The following PDE6B variants were observed in gnomAD, a reference collection of about 807,000 sequenced individuals.
The protein encoded by PDE6B is rod cGMP-specific 3',5'-cyclic phosphodiesterase subunit beta.
In PDE6B, 106 loss-of-function variants were observed where a neutral mutation model predicts 109.0. The ratio of observed to expected loss-of-function variants is 0.97; its 90% confidence interval spans 0.83 to 1.14. The LOEUF (loss-of-function observed/expected upper bound fraction) is 1.14. Among genes scored for constraint, PDE6B ranks in the 50% most tolerant of loss-of-function variants. PDE6B has a pLI of 0.00. For synonymous variants in PDE6B, 490 were observed against 471.3 expected (o/e 1.04, Z -0.51); for missense variants, 1,193 against 1,155.6 (o/e 1.03, Z -0.47).
intron 8 of PDE6B, among the ~76,000 whole-genome samples, chr4:656,641 TGGTGGGAAAACGGCCTCTACCTCCTCC>T (rs973739027): frequency 6.6e-6 from 1 of 152,024 alleles, no homozygotes; most frequent in African/African-American, 2.4e-5. Flanking sequence ...AAACCACTCC[TGGTGGGAAAACGGCCTCTACCTCCTCC>T]GGTGGGAAAA....
At position 625,923 on chromosome 4, in the gene PDE6B, G is replaced by A. The variant is rs768652560; in HGVS notation, c.297G>A (p.Gln99=). 4.4e-6 allele frequency: 7 copies of A among 1,598,734 alleles called. No individual in the cohort carries two copies. In the East Asian group the frequency reaches 1.1e-4, roughly 26 times the overall value. The change falls in exon 1 of 22, where the codon CAG becomes CAA. Residue 99 remains glutamine, a synonymous_variant. Transcript: ENST00000496514. This position sits in a 1 kb window ranked among gnomAD's most constrained non-coding sequence, Gnocchi z 5.0. ...ADRCSLFMYR[Q]RNGVAELATR... ...GCTGCAGCCTCTTCATGTACCGCCA[G>A]CGCAACGGCGTGGCCGAGCTGGCCA...
chr4:643,850 G>T lies in PDE6B; in HGVS notation c.711+7881G>T, dbSNP rs1335536319. On this transcript the variant is annotated intron_variant, in intron 3 of 21. Transcript: ENST00000496514. ...TTCAATACTATAAATTTCCCTCCAA[G>T]CACTGCTTTCCCTGCACCTGACAAA... is the stretch of plus-strand genomic sequence containing the variant. Among the ~76,000 whole-genome samples, 4 of 148,664 alleles carry T rather than the reference G, an allele frequency of 2.7e-5. No individual in the cohort carries two copies. In the South Asian group the frequency reaches 8.5e-4, roughly 32 times the overall value.
rs2109262780 is a variant in PDE6B, at chr4:663,821, C to T, written c.1972C>T (p.His658Tyr). The change falls in exon 16 of 22, where the codon CAC becomes TAC. Residue 658 changes from histidine (H) to tyrosine (Y), a missense_variant. Transcript: ENST00000496514. The surrounding 1 kb of genome is among the most constrained non-coding windows in gnomAD (Gnocchi z 4.0). The part of the protein sequence containing the change: ...LNRRQHEHVI[H>Y]LMDIAIIATD... ...CCGGCGGCAGCACGAGCACGTGATC[C>T]ACCTGATGGACATCGCCATCATCGC... 2 of 1,612,606 alleles carry T rather than the reference C, an allele frequency of 1.2e-6. No individual in the cohort carries two copies. Among genetic ancestry groups the T allele is most frequent in the Admixed American group, 1.7e-5 (1 of 60,012 alleles).
chr4:657,372 T>C lies in PDE6B; in HGVS notation c.1279T>C (p.Trp427Arg), dbSNP rs1332504594. The C allele has an allele frequency of 6.2e-7, 1 of 1,613,054 alleles. No homozygotes were observed. The highest frequency in any genetic ancestry group is 1.1e-5 in the South Asian group (1 of 91,080). ...CCAGTCCCTGACACAGTTCCTGGGCTGGTCAGTGATGAACACCGACACCTA... is the reference window on the plus strand; with the variant it reads ...CCAGTCCCTGACACAGTTCCTGGGCCGGTCAGTGATGAACACCGACACCTA... Reference protein sequence around the residue: ...LMESLTQFLGWSVMNTDTYDK... With the variant: ...LMESLTQFLGRSVMNTDTYDK... Residue 427 changes from tryptophan to arginine, a missense_variant, in exon 10 of 22, where the codon TGG becomes CGG. Transcript: ENST00000496514.
chr4:654,243 T>C (rs1560118887), intron 5 of PDE6B, 89 bp downstream of exon 5: 2 of 1,163,984 alleles, frequency 1.7e-6, no homozygotes, highest in East Asian at 2.5e-5. Context: ...GGGATAGGGG[T>C]GGGGTTTAGG....
Position 662,375 on chromosome 4 carries a change from G to T in PDE6B, c.1722+134G>T. On this transcript the variant is annotated intron_variant, in intron 13 of 21. Transcript: ENST00000496514. This position sits in a 1 kb window ranked among gnomAD's most constrained non-coding sequence, Gnocchi z 4.3. ...GAGGAGGGCAACGCCCTCTGACACCGTGCACCGCGCACCCCAGCCCTGCGG... is the reference window on the plus strand; with the variant it reads ...GAGGAGGGCAACGCCCTCTGACACCTTGCACCGCGCACCCCAGCCCTGCGG... 1 of 815,910 alleles carries T rather than the reference G, an allele frequency of 1.2e-6. No individual in the cohort carries two copies. The highest frequency in any genetic ancestry group is 1.4e-5 in the South Asian group (1 of 70,168). 50.5% of individuals were successfully genotyped at this position (815,910 alleles called of 1,614,324 possible).
chr4:632,565 A>C (rs527820905), intron 1 of PDE6B, among the ~76,000 whole-genome samples: 1 of 134,822 alleles, frequency 7.4e-6, no homozygotes, highest in African/African-American at 2.9e-5. Context: ...TGGGGGTCAC[A>C]TGGTGGGGAT....
At chr4:659,630 ATGTGTACACATG>A (rs1736812746) in intron 11 of PDE6B, among the ~76,000 whole-genome samples, 1 of 145,938 alleles carries the variant, frequency 6.9e-6, no homozygotes, top group African/African-American at 2.6e-5. Flanking sequence ...GAATGTGCAC[ATGTGTACACATG>A]TGTGTGCACA....
intron 12 of PDE6B, chr4:661,740 T>G (rs991457433): frequency 6.4e-6 from 2 of 312,568 alleles, no homozygotes; most frequent in African/African-American, 2.2e-5. Context: ...GGACATCGGT[T>G]CTCCCACCCC....
At position 664,157 on chromosome 4, in the gene PDE6B, T is replaced by C. The variant is rs760202873; in HGVS notation, c.2065T>C (p.Tyr689His). ...GAAGATCGTGGATGAGTCCAAGAAC[T>C]ACCAGGACAAGAAGAGCTGGGTGGA... ...FQKIVDESKN[Y>H]QDKKSWVEYL... Residue 689 changes from tyrosine (Y) to histidine (H), a missense_variant, in exon 17 of 22, where the codon TAC becomes CAC. Coordinates refer to ENST00000496514, the MANE Select transcript of PDE6B (RefSeq NM_000283.4). 1.1e-5 allele frequency: 18 copies of C among 1,612,466 alleles called. No homozygotes were observed. The South Asian group carries it at 1.6e-4, about 15-fold the overall frequency.
rs2109200067 is a variant in PDE6B, at chr4:654,870, A to C, written c.974A>C (p.Glu325Ala). The change falls in exon 6 of 22, where the codon GAG becomes GCG. Residue 325 changes from glutamate (E) to alanine (A), a missense_variant. Glu to Ala is a moderately radical substitution (Grantham distance 107). Coordinates refer to ENST00000496514, the MANE Select transcript of PDE6B (RefSeq NM_000283.4). Reference sequence around the variant, plus strand: ...ATCGACTACGTCCTCCACGGCAAGGAGGAGATCAAGGTCATTCCGTAAGTG... The same window carrying C: ...ATCGACTACGTCCTCCACGGCAAGGCGGAGATCAAGGTCATTCCGTAAGTG... Reference protein sequence around the residue: ...KVIDYVLHGKEEIKVIPTPSA... With the variant: ...KVIDYVLHGKAEIKVIPTPSA... 1 of 1,553,648 alleles carries C rather than the reference A, an allele frequency of 6.4e-7. No homozygotes were observed. The highest frequency in any genetic ancestry group is 2.2e-5 in the East Asian group (1 of 44,622).
At position 636,435 on chromosome 4, in the gene PDE6B, G is replaced by C. The variant is rs528436636; in HGVS notation, c.711+466G>C. Among the ~76,000 whole-genome samples, 75 of 152,168 alleles carry C rather than the reference G, an allele frequency of 4.9e-4. 1 individual carries two copies. Among genetic ancestry groups the C allele is most frequent in the Non-Finnish European group, 9.7e-4 (66 of 68,020 alleles). On this transcript the variant is annotated intron_variant, in intron 3 of 21. Coordinates refer to ENST00000496514, the MANE Select transcript of PDE6B (RefSeq NM_000283.4). This position sits in a 1 kb window ranked among gnomAD's most constrained non-coding sequence, Gnocchi z 4.5. Reference sequence around the variant, plus strand: ...AGGTCTGGCCCTGGCCGAGACGCTGGGGAGGGAGGCCTGAGGACCTTAAGG... The same window carrying C: ...AGGTCTGGCCCTGGCCGAGACGCTGCGGAGGGAGGCCTGAGGACCTTAAGG...
chr4:628,897 G>A (rs1734246279), intron 1 of PDE6B, among the ~76,000 whole-genome samples: 1 of 152,216 alleles, frequency 6.6e-6, no homozygotes, highest in Non-Finnish European at 1.5e-5. Context: ...AGCCCCTTGG[G>A]GAGACACAGC....
At chr4:638,068 C>T (rs1734779295) in intron 3 of PDE6B, among the ~76,000 whole-genome samples, 1 of 152,194 alleles carries the variant, frequency 6.6e-6, no homozygotes, top group Admixed American at 6.5e-5. Flanking sequence ...CTGTTCCTTC[C>T]TGCCAGTGAC....
chr4:656,279 T>C lies in PDE6B; in HGVS notation c.1094T>C (p.Met365Thr), dbSNP rs2109209965. The C allele has an allele frequency of 6.3e-7, 1 of 1,588,150 alleles. No homozygotes were observed. The highest frequency in any genetic ancestry group is 8.6e-7 in the Non-Finnish European group (1 of 1,156,448). The change falls in exon 8 of 22, where the codon ATG becomes ACG. Residue 365 changes from methionine to threonine, a missense_variant. Coordinates refer to ENST00000496514, the MANE Select transcript of PDE6B (RefSeq NM_000283.4). ...ATCATGAATGCTTCCGCTGACGAAA[T>C]GTTCAAATTTCAGGTATCTGTCTGT... Reference protein sequence around the residue: ...CNIMNASADEMFKFQEGALDD... With the variant: ...CNIMNASADETFKFQEGALDD...
chr4:658,962 C>A lies in PDE6B; in HGVS notation c.1412C>A (p.Ala471Glu). ...DEIQLILPTR[A>E]RLGKEPADCD... ...TGTGTCTCTGTGTAGCCAACCAGAGCGCGCCTGGGGAAGGAGCCTGCTGAC... is the reference window on the plus strand; with the variant it reads ...TGTGTCTCTGTGTAGCCAACCAGAGAGCGCCTGGGGAAGGAGCCTGCTGAC... Residue 471 changes from alanine (A) to glutamate (E), a missense_variant, in exon 11 of 22, where the codon GCG (alanine) becomes GAG (glutamate). By Grantham distance (107) the Ala-to-Glu change is moderately radical. Coordinates refer to ENST00000496514, the MANE Select transcript of PDE6B (RefSeq NM_000283.4). 6.2e-7 allele frequency: 1 copy of A among 1,612,736 alleles called. No individual in the cohort carries two copies. The highest frequency in any genetic ancestry group is 1.7e-5 in the Admixed American group (1 of 60,020).
At chr4:655,570 G>A (rs769304371) in intron 6 of PDE6B, 1 of 388,382 alleles carries the variant, frequency 2.6e-6, no homozygotes, top group Non-Finnish European at 4.9e-6. Context: ...CAGCACGGCA[G>A]CCTGGGGAGG....
At position 656,293 on chromosome 4, in the gene PDE6B, G is replaced by GT. The variant is rs1560122302; in HGVS notation, c.1107+2dup. 1 of 1,529,322 alleles carries GT rather than the reference G, an allele frequency of 6.5e-7. No individual in the cohort carries two copies. Among genetic ancestry groups the GT allele is most frequent in the Non-Finnish European group, 9.1e-7 (1 of 1,102,764 alleles). 94.7% of individuals were successfully genotyped at this position (1,529,322 alleles called of 1,614,324 possible). On this transcript the variant is annotated splice_donor_variant, in intron 8 of 21. Coordinates refer to ENST00000496514, the MANE Select transcript of PDE6B (RefSeq NM_000283.4). LOFTEE classifies it high-confidence loss of function. The stretch of plus-strand genomic sequence containing the variant: ...CGCTGACGAAATGTTCAAATTTCAG[G>GT]TATCTGTCTGTGCCTTGGTAGAAAT...
intron 9 of PDE6B, 151 bp downstream of exon 9, chr4:657,174 G>GC (rs535025779): frequency 1.8e-4 from 203 of 1,120,738 alleles, no homozygotes; most frequent in African/African-American, 1.7e-3. Context: ...ACGACAAAGG[G>GC]CCCCCCCGGG....
Sources: gnomAD v4.1 joint callset for allele counts (sites outside exome capture counted in the v4.1 genomes callset) on GRCh38, gnomAD v4.1.1 for gene constraint, Gnocchi (gnomAD v3.1) non-coding constraint, MANE v1.5 for transcripts, NCBI Gene and HGNC (gene_info 2026-07-23, HGNC 2026-07-21) for gene names.